RBFOX1: variants seen among roughly 807,000 people sequenced by gnomAD.
The protein encoded by RBFOX1 is RNA binding fox-1 homolog 1.
A neutral mutation model predicts 57.7 loss-of-function variants in RBFOX1; 8 were observed. The ratio of observed to expected loss-of-function variants is 0.14; its 90% CI spans 0.08 to 0.25. The LOEUF (loss-of-function observed/expected upper bound fraction) is 0.25. Among genes scored for constraint, RBFOX1 ranks in the 10% least tolerant of loss-of-function variants. RBFOX1 has a pLI of 1.00. For synonymous variants in RBFOX1, 326 were observed against 222.4 expected, an observed-to-expected ratio of 1.47 and a Z score of -4.15; for missense variants, 611 against 548.5, an observed-to-expected ratio of 1.11 and a Z score of -1.14.
At chr16:6,244,486 G>A (rs550033436) in intron 1 of RBFOX1, among the ~76,000 whole-genome samples, 7 of 152,200 alleles carry the variant, frequency 4.6e-5, no homozygotes, top group Admixed American at 6.5e-5. Context: ...CAAGTTTGGC[G>A]TGTGTCTCTG....
chr16:6,852,068 G>A (rs1333540435), intron 3 of RBFOX1, among the ~76,000 whole-genome samples: 2 of 151,946 alleles, frequency 1.3e-5, no homozygotes, highest in Non-Finnish European at 2.9e-5. Flanking sequence ...TGAGACTACA[G>A]GCACCTGCCA....
At chr16:6,995,096 C>A (rs776038184) in intron 3 of RBFOX1, among the ~76,000 whole-genome samples, 1 of 152,018 alleles carries the variant, frequency 6.6e-6, no homozygotes, top group Non-Finnish European at 1.5e-5. Flanking sequence ...ATTAAAAATT[C>A]AGAACAACCA....
intron 4 of RBFOX1, among the ~76,000 whole-genome samples, chr16:7,284,933 C>A (rs1289877917): frequency 6.6e-6 from 1 of 152,098 alleles, no homozygotes; most frequent in South Asian, 2.1e-4. Context: ...CACACTGTTT[C>A]CTTTTCTGGA....
At chr16:7,228,590 G>T (rs145717461) in intron 4 of RBFOX1, among the ~76,000 whole-genome samples, 1 of 152,230 alleles carries the variant, frequency 6.6e-6, no homozygotes, top group Admixed American at 6.5e-5. Flanking sequence ...CCACACAGCC[G>T]TAAGGGAGTA....
chr16:6,096,377 T>C (rs548709923), intron 1 of RBFOX1, among the ~76,000 whole-genome samples: 4 of 152,216 alleles, frequency 2.6e-5, no homozygotes, highest in Non-Finnish European at 5.9e-5. Flanking sequence ...TGCACCCCAC[T>C]ATGTTTGCTC....
At chr16:7,063,408 T>C (rs1021646317) in intron 4 of RBFOX1, among the ~76,000 whole-genome samples, 2 of 152,188 alleles carry the variant, frequency 1.3e-5, no homozygotes, top group African/African-American at 4.8e-5. Context: ...CACATGTCTC[T>C]CTGCCAACTT....
intron 1 of RBFOX1, among the ~76,000 whole-genome samples, chr16:6,239,178 AC>A (rs1567748557): frequency 5.3e-5 from 8 of 152,254 alleles, no homozygotes; most frequent in African/African-American, 1.9e-4. Flanking sequence ...GGAATAAATA[AC>A]GGTATGAATG....
chr16:7,142,816 G>C (rs1252712966), intron 4 of RBFOX1, among the ~76,000 whole-genome samples: 1 of 152,068 alleles, frequency 6.6e-6, no homozygotes, highest in South Asian at 2.1e-4. Context: ...AGTATTGAAT[G>C]AATGAAAGAT....
At chr16:6,529,813 T>A (rs1478512735) in intron 2 of RBFOX1, among the ~76,000 whole-genome samples, 1 of 152,134 alleles carries the variant, frequency 6.6e-6, no homozygotes, top group Admixed American at 6.5e-5. Flanking sequence ...TGTTGATATT[T>A]CTTTAACATT....
At chr16:7,011,945 G>C (rs774731450) in intron 3 of RBFOX1, among the ~76,000 whole-genome samples, 1 of 152,162 alleles carries the variant, frequency 6.6e-6, no homozygotes, top group Non-Finnish European at 1.5e-5. Context: ...CTGGAAATAC[G>C]CCCTTCATTA....
intron 4 of RBFOX1, among the ~76,000 whole-genome samples, chr16:7,444,234 A>T (rs2098791651): frequency 6.6e-6 from 1 of 152,222 alleles, no homozygotes; most frequent in South Asian, 2.1e-4. Flanking sequence ...ATGTGTAGTT[A>T]TCTATGTTCT....
chr16:5,955,351 TAAATAAAAA>T (rs2059612198), intron 4 of RBFOX1, among the ~76,000 whole-genome samples: 6 of 78,960 alleles, frequency 7.6e-5, no homozygotes, highest in Non-Finnish European at 1.2e-4. Context: ...TAAAATAAAA[TAAATAAAAA>T]TAAAATAAAA....
At chr16:7,694,178 G>A (rs12447542) in intron 14 of RBFOX1, among the ~76,000 whole-genome samples, 13,844 of 152,210 alleles carry the variant, frequency 0.091, 836 homozygotes, top group Non-Finnish European at 0.13. Flanking sequence ...CAATCACTAG[G>A]AAGTCTTGCC....
intron 4 of RBFOX1, among the ~76,000 whole-genome samples, chr16:7,311,662 T>C (rs1331377236): frequency 6.6e-6 from 1 of 152,060 alleles, no homozygotes; most frequent in African/African-American, 2.4e-5. Context: ...GAGAGCAATA[T>C]TGGTACCTAA....
intron 4 of RBFOX1, among the ~76,000 whole-genome samples, chr16:7,327,015 CA>C (rs749017812): frequency 2.6e-4 from 40 of 152,166 alleles, no homozygotes; most frequent in Non-Finnish European, 5.1e-4. Context: ...TCTGCCTTCT[CA>C]AAAGTGTGAT....
At chr16:5,392,295 C>G (rs1277875397) in intron 1 of RBFOX1, among the ~76,000 whole-genome samples, 1 of 152,026 alleles carries the variant, frequency 6.6e-6, no homozygotes, top group East Asian at 1.9e-4. Flanking sequence ...AAAAAAATTA[C>G]TTAAAAAATA....
intron 3 of RBFOX1, among the ~76,000 whole-genome samples, chr16:6,901,420 T>C (rs1468234648): frequency 3.9e-5 from 6 of 152,134 alleles, no homozygotes; most frequent in African/African-American, 1.4e-4. Context: ...GGGAAGACAA[T>C]AACACAGAGT....
intron 4 of RBFOX1, among the ~76,000 whole-genome samples, chr16:7,257,118 T>C (rs1358705544): frequency 6.6e-6 from 1 of 152,178 alleles, no homozygotes; most frequent in African/African-American, 2.4e-5. Flanking sequence ...TGAACAGTTG[T>C]GAAACTGAAC....
intron 1 of RBFOX1, among the ~76,000 whole-genome samples, chr16:6,184,526 G>T (rs1424782146): frequency 6.6e-6 from 1 of 152,044 alleles, no homozygotes; most frequent in South Asian, 2.1e-4. Flanking sequence ...AGATGTGAAA[G>T]AGAGAGAGGG....
Sources: gnomAD v4.1 joint callset for allele counts (sites outside exome capture counted in the v4.1 genomes callset) on GRCh38, gnomAD v4.1.1 for gene constraint, MANE v1.5 for transcripts, NCBI Gene and HGNC (gene_info 2026-07-23, HGNC 2026-07-21) for gene names.